DMD: variants seen among roughly 807,000 people sequenced by gnomAD.
The protein encoded by DMD is dystrophin, also known as mutant dystrophin.
A neutral mutation model predicts 330.1 loss-of-function variants in DMD; 63 were observed. That is an observed-to-expected ratio of 0.19 (90% CI 0.16 to 0.24). The LOEUF (loss-of-function observed/expected upper bound fraction) is 0.24. Among genes scored for constraint, DMD ranks in the 10% least tolerant of loss-of-function variants. The pLI is 1.00. For missense variants in DMD, 3,344 were observed against 2,684.1 expected, an observed-to-expected ratio of 1.25 and a Z score of -5.43; for synonymous variants, 1,223 against 959.8, an observed-to-expected ratio of 1.27 and a Z score of -5.07.
At chrX:31,833,397 G>C (rs1243691303) in intron 49 of DMD, among the ~76,000 whole-genome samples, 1 of 107,745 alleles carries the variant, frequency 9.3e-6, no homozygotes, top group African/African-American at 3.4e-5. Flanking sequence ...GAGAGAGAAA[G>C]AGAGTTGAAG....
intron 57 of DMD, among the ~76,000 whole-genome samples, chrX:31,482,294 G>A (rs1351680402): frequency 9.1e-6 from 1 of 109,514 alleles, no homozygotes; most frequent in Non-Finnish European, 1.9e-5. Context: ...GCTCAGCTTG[G>A]AAAGCTAACA....
chrX:32,002,623 A>ATAAGGATGATAGCTCTGTCTGTC, intron 44 of DMD, among the ~76,000 whole-genome samples: 1 of 111,072 alleles, frequency 9.0e-6, no homozygotes, highest in Non-Finnish European at 1.9e-5. Flanking sequence ...TTTTTTTAGA[A>ATAAGGATGATAGCTCTGTCTGTC]TAAGGATGAT....
intron 42 of DMD, among the ~76,000 whole-genome samples, chrX:32,305,305 C>T (rs1167094532): frequency 9.0e-6 from 1 of 111,254 alleles, no homozygotes. Flanking sequence ...TATTAAAAAT[C>T]TCTGTTGCCA....
intron 55 of DMD, among the ~76,000 whole-genome samples, chrX:31,579,706 T>C (rs1036058795): frequency 8.9e-6 from 1 of 112,688 alleles, no homozygotes; most frequent in African/African-American, 3.2e-5. Context: ...AAACATTAAG[T>C]AAATAATAGT....
intron 43 of DMD, among the ~76,000 whole-genome samples, chrX:32,251,787 T>C (rs1364320118): frequency 9.0e-6 from 1 of 110,779 alleles, no homozygotes; most frequent in Non-Finnish European, 1.9e-5. Context: ...CTTAGAAACT[T>C]AGAAACGTAA....
intron 55 of DMD, among the ~76,000 whole-genome samples, chrX:31,618,758 C>T (rs934390694): frequency 1.3e-4 from 14 of 111,407 alleles, no homozygotes; most frequent in East Asian, 8.4e-4. Flanking sequence ...TTTTGAGCGC[C>T]GACATGATTC....
At chrX:32,220,142 C>T (rs2097127425) in intron 43 of DMD, among the ~76,000 whole-genome samples, 1 of 110,978 alleles carries the variant, frequency 9.0e-6, no homozygotes, top group African/African-American at 3.3e-5. Flanking sequence ...ACTTTCTGCC[C>T]GACCCCTGCT....
rs569520149 is a variant in DMD, at chrX:33,171,430, G to A, written c.31+39852C>T. Among the ~76,000 whole-genome samples the A allele has an allele frequency of 3.6e-5, 4 of 111,172 alleles. No individual in the cohort carries two copies. The South Asian group carries it at 1.1e-3, about 31-fold the overall frequency. ...ACATTTACTGAGAACTCTAATTTAC[G>A]AAAACTAGATCCTAGCATTCTGAAA... On this transcript the variant is annotated intron_variant, in intron 1 of 78. Coordinates refer to ENST00000357033, the MANE Select transcript of DMD (RefSeq NM_004006.3).
intron 43 of DMD, among the ~76,000 whole-genome samples, chrX:32,256,926 C>T (rs2097301899): frequency 9.0e-6 from 1 of 111,225 alleles, no homozygotes; most frequent in Non-Finnish European, 1.9e-5. Flanking sequence ...CCCAGCCTTT[C>T]TCTCTGGCTG....
intron 30 of DMD, among the ~76,000 whole-genome samples, chrX:32,392,576 G>A (rs1243976508): frequency 2.7e-5 from 3 of 111,354 alleles, no homozygotes; most frequent in Non-Finnish European, 5.7e-5. Flanking sequence ...TAGCATTTTC[G>A]AAAGAGGGCT....
intron 53 of DMD, among the ~76,000 whole-genome samples, chrX:31,676,850 T>A: frequency 8.9e-6 from 1 of 112,506 alleles, no homozygotes; most frequent in Non-Finnish European, 1.9e-5. Context: ...AAAGTTATTA[T>A]TAACATTAGG....
chrX:32,995,196 A>G (rs2093086005), intron 2 of DMD, among the ~76,000 whole-genome samples: 1 of 112,826 alleles, frequency 8.9e-6, no homozygotes, highest in African/African-American at 3.2e-5. Context: ...AAGGCTAGCC[A>G]TCTGTATGAC....
chrX:31,366,507 A>AAAT (rs2059262684), intron 60 of DMD, among the ~76,000 whole-genome samples: 3 of 85,919 alleles, frequency 3.5e-5, no homozygotes, highest in African/African-American at 1.4e-4. Context: ...CATAAAAAAA[A>AAAT]AAATAAATAA....
intron 2 of DMD, among the ~76,000 whole-genome samples, chrX:32,885,538 G>A (rs1429605118): frequency 9.0e-6 from 1 of 111,277 alleles, no homozygotes; most frequent in African/African-American, 3.3e-5. Context: ...TAAACTACTG[G>A]TATAAGTGAT....
chrX:33,239,297 A>G lies in DMD; in HGVS notation c.7+99962T>C, dbSNP rs1163334782. On this transcript the variant is annotated intron_variant, in intron 1 of 17. Transcript: ENST00000288447. The stretch of plus-strand genomic sequence containing the variant: ...TCCAAAAAAAAAAAAAAAAAAAAAA[A>G]AAAATGTCGAATGTCAGGCACATTC... Among the ~76,000 whole-genome samples, 3 of 106,578 alleles carry G rather than the reference A, an allele frequency of 2.8e-5. No individual in the cohort carries two copies. The Admixed American group carries it at 3.1e-4, about 11-fold the overall frequency. The allele number at this position is 106,578 out of a possible 115,157, so 92.6% of individuals were successfully genotyped here. A position where few individuals can be genotyped will look rare whatever the true frequency, so the allele number is the denominator to read the frequency against.
Position 32,295,981 on chromosome X carries a change from T to G in DMD, c.6118-8280A>C, listed in dbSNP as rs753945315. On this transcript the variant is annotated intron_variant, in intron 42 of 78. Coordinates refer to ENST00000357033, the MANE Select transcript of DMD (RefSeq NM_004006.3). ...ATATCTGACAAATTGAACTTACTGT[T>G]AATCACTTTTGATGAAAGTAAACTT... 5.3e-5 allele frequency among the ~76,000 whole-genome samples: 6 copies of G among 112,499 alleles called. No homozygotes were observed. The South Asian group carries it at 2.2e-3, about 42-fold the overall frequency.
At chrX:31,861,435 T>G (rs1017690931) in intron 48 of DMD, among the ~76,000 whole-genome samples, 1 of 110,048 alleles carries the variant, frequency 9.1e-6, no homozygotes, top group Non-Finnish European at 1.9e-5. Flanking sequence ...ATTTATCACA[T>G]AGATATATTT....
chrX:32,156,902 C>T (rs1415450803), intron 44 of DMD, among the ~76,000 whole-genome samples: 2 of 109,702 alleles, frequency 1.8e-5, no homozygotes, highest in Non-Finnish European at 3.8e-5. Context: ...CCAAAGTGCC[C>T]TACATCCCAA....
chrX:32,438,280 A>C lies in DMD; in HGVS notation c.4032T>G (p.Leu1344=). 1 of 1,211,408 alleles carries C rather than the reference A, an allele frequency of 8.3e-7. No individual in the cohort carries two copies. Among genetic ancestry groups the C allele is most frequent in the South Asian group, 1.8e-5 (1 of 57,012 alleles). The change falls in exon 29 of 79, where the codon CTT becomes CTG. Residue 1344 remains leucine, a synonymous_variant. Coordinates refer to ENST00000357033, the MANE Select transcript of DMD (RefSeq NM_004006.3). The part of the protein sequence containing the change: ...GVMDELINEE[L]ETFNSRWREL... Reference sequence around the variant, plus strand: ...CCCTCCAACGAGAATTAAATGTCTCAAGTTCCTCATTGATTAGCTCATCCA... The same window carrying C: ...CCCTCCAACGAGAATTAAATGTCTCCAGTTCCTCATTGATTAGCTCATCCA...
Sources: gnomAD v4.1 joint callset for allele counts (sites outside exome capture counted in the v4.1 genomes callset) on GRCh38, gnomAD v4.1.1 for gene constraint, MANE v1.5 for transcripts, NCBI Gene and HGNC (gene_info 2026-07-23, HGNC 2026-07-21) for gene names.